Variants in EYS observed in about 807,000 individuals in gnomAD.
The protein encoded by EYS is EGF-like photoreceptor maintenance factor.
In EYS, 250 loss-of-function variants were observed where a neutral mutation model predicts 282.1. The observed-to-expected ratio is 0.89, with a 90% CI of 0.80 to 0.98. The LOEUF (loss-of-function observed/expected upper bound fraction) is 0.98. Among genes scored for constraint, EYS ranks in the 50% least tolerant of loss-of-function variants. EYS has a pLI of 0.00. For synonymous variants in EYS, 1,355 were observed against 1,282.9 expected, an observed-to-expected ratio of 1.06 and a Z score of -1.20; for missense variants, 4,016 against 3,709.0, an observed-to-expected ratio of 1.08 and a Z score of -2.15.
chr6:65,225,673 C>G (rs1766603321), intron 12 of EYS, among the ~76,000 whole-genome samples: 1 of 148,894 alleles, frequency 6.7e-6, no homozygotes, highest in Non-Finnish European at 1.5e-5. Flanking sequence ...AAGATTGTGC[C>G]ATTGCACTCC....
chr6:64,072,679 T>C (rs913988068), intron 32 of EYS, among the ~76,000 whole-genome samples: 2 of 151,932 alleles, frequency 1.3e-5, no homozygotes, highest in Non-Finnish European at 2.9e-5. Context: ...CTCCCATCAT[T>C]TTGTGCGTGG....
intron 12 of EYS, among the ~76,000 whole-genome samples, chr6:65,126,671 T>C (rs545313462): frequency 7.9e-5 from 12 of 152,248 alleles, no homozygotes; most frequent in Admixed American, 5.9e-4. Context: ...GTCAGCTAAG[T>C]ATAGGAATAC....
intron 31 of EYS, among the ~76,000 whole-genome samples, chr6:64,210,601 T>C (rs11757626): frequency 0.31 from 47,503 of 152,074 alleles, 7,483 homozygotes; most frequent in East Asian, 0.5. Context: ...TACACATAGA[T>C]TGTGAGAGGA....
intron 30 of EYS, among the ~76,000 whole-genome samples, chr6:64,272,771 T>C (rs1767985909): frequency 6.6e-6 from 1 of 152,136 alleles, no homozygotes; most frequent in Non-Finnish European, 1.5e-5. Flanking sequence ...AGTATAAATC[T>C]CCTTATTCAA....
intron 31 of EYS, among the ~76,000 whole-genome samples, chr6:64,090,787 T>G (rs1366256308): frequency 6.6e-6 from 1 of 152,160 alleles, no homozygotes; most frequent in Non-Finnish European, 1.5e-5. Flanking sequence ...ACTCACCACA[T>G]CATTCTATAT....
At chr6:65,077,979 T>A (rs944172850) in intron 12 of EYS, among the ~76,000 whole-genome samples, 1 of 152,122 alleles carries the variant, frequency 6.6e-6, no homozygotes, top group Non-Finnish European at 1.5e-5. Flanking sequence ...GATGAAAAGC[T>A]GTCAGAAAAT....
intron 26 of EYS, among the ~76,000 whole-genome samples, chr6:64,503,218 C>T (rs936240128): frequency 3.3e-5 from 5 of 152,108 alleles, no homozygotes; most frequent in South Asian, 4.1e-4. Flanking sequence ...TCTATGGAAA[C>T]ATTTGGCAGT....
At chr6:64,940,049 A>T (rs769253090) in intron 15 of EYS, among the ~76,000 whole-genome samples, 6 of 151,964 alleles carry the variant, frequency 3.9e-5, no homozygotes, top group Non-Finnish European at 7.4e-5. Context: ...CTTTTCCTCC[A>T]TCCTCCTAGG....
intron 36 of EYS, among the ~76,000 whole-genome samples, chr6:63,830,435 G>A (rs1771597690): frequency 6.6e-6 from 1 of 152,188 alleles, no homozygotes; most frequent in African/African-American, 2.4e-5. Context: ...ACAAGCCTCA[G>A]TAGCCAATTT....
In EYS at chr6:64,703,429, ATTT is replaced by A. The variant is rs1554194865; in HGVS notation, c.3444-77187_3444-77185del. ...CACACACATATATATATATATATAT[ATTT>A]TTTTTTTTTTTTTTTGAGATGGAGC... On this transcript the variant is annotated intron_variant, in intron 22 of 42. Transcript: ENST00000503581. 1.8e-3 allele frequency among the ~76,000 whole-genome samples: 43 copies of A among 23,358 alleles called. 1 individual carries two copies. The highest frequency in any genetic ancestry group is 3.6e-3 in the African/African-American group (38 of 10,468). 15.3% of individuals were successfully genotyped at this position (23,358 alleles called of 152,430 possible).
At chr6:63,950,402 T>C (rs190466610) in intron 35 of EYS, among the ~76,000 whole-genome samples, 2,336 of 150,826 alleles carry the variant, frequency 0.015, 57 homozygotes, top group African/African-American at 0.055. Context: ...CCCCCGCCCC[T>C]GCCTGCCAGA....
chr6:64,339,812 A>G (rs986126502), intron 29 of EYS, among the ~76,000 whole-genome samples: 3 of 151,842 alleles, frequency 2.0e-5, no homozygotes, highest in Non-Finnish European at 4.4e-5. Flanking sequence ...TGGAAAACCA[A>G]ACATATGTTC....
intron 14 of EYS, among the ~76,000 whole-genome samples, chr6:64,955,307 G>C (rs1003494902): frequency 1.3e-5 from 2 of 151,728 alleles, no homozygotes; most frequent in African/African-American, 4.8e-5. Context: ...ATACGACACT[G>C]ATGAAGGAAA....
At chr6:64,295,556 AAG>A (rs201681918) in intron 30 of EYS, among the ~76,000 whole-genome samples, 220 of 15,828 alleles carry the variant, frequency 0.014, 20 homozygotes, top group East Asian at 0.045. Context: ...AAGAAGAAGA[AAG>A]AAGAAGAAAA....
chr6:64,873,806 A>G (rs555662275), intron 19 of EYS, among the ~76,000 whole-genome samples: 14 of 152,194 alleles, frequency 9.2e-5, no homozygotes, highest in African/African-American at 3.4e-4. Flanking sequence ...CCTCATAAAT[A>G]TATACAATTA....
chr6:65,109,153 TTTA>T (rs891188032), intron 12 of EYS, among the ~76,000 whole-genome samples: 8 of 152,166 alleles, frequency 5.3e-5, no homozygotes, highest in African/African-American at 1.9e-4. Flanking sequence ...ACAAACTATT[TTTA>T]TTTTTTTCTT....
intron 22 of EYS, among the ~76,000 whole-genome samples, chr6:64,744,276 T>G (rs1027099925): frequency 2.0e-5 from 3 of 152,126 alleles, no homozygotes; most frequent in Non-Finnish European, 4.4e-5. Flanking sequence ...CACTAATCTA[T>G]AAATTCAATT....
chr6:64,257,984 C>T (rs1017315029), intron 30 of EYS, among the ~76,000 whole-genome samples: 1 of 151,970 alleles, frequency 6.6e-6, no homozygotes, highest in East Asian at 1.9e-4. Context: ...CACACTCTCA[C>T]GCCACCATCT....
chr6:65,204,381 T>C (rs1017230427), intron 12 of EYS, among the ~76,000 whole-genome samples: 1 of 151,014 alleles, frequency 6.6e-6, no homozygotes, highest in African/African-American at 2.4e-5. Context: ...AAGCCAGAGA[T>C]TGAGGCCCTA....
Sources: gnomAD v4.1 joint callset for allele counts (sites outside exome capture counted in the v4.1 genomes callset) on GRCh38, gnomAD v4.1.1 for gene constraint, MANE v1.5 for transcripts, NCBI Gene and HGNC (gene_info 2026-07-23, HGNC 2026-07-21) for gene names.